Variants in DAB1 observed in about 807,000 individuals in gnomAD.
The protein encoded by DAB1 is disabled homolog 1.
Under a neutral mutation model 64.6 loss-of-function variants are expected in DAB1, and 15 were observed. The observed-to-expected ratio is 0.23, with a 90% CI of 0.16 to 0.36. DAB1 has a LOEUF of 0.36. Among genes scored for constraint, DAB1 ranks in the 10% least tolerant of loss-of-function variants. DAB1 has a pLI of 1.00. For missense variants in DAB1, 596 were observed against 706.7 expected (o/e 0.84, Z 1.78); for synonymous variants, 235 against 251.9 (o/e 0.93, Z 0.64).
chr1:58,509,875 C>A (rs1227340198), intron 2 of DAB1, among the ~76,000 whole-genome samples: 1 of 151,892 alleles, frequency 6.6e-6, no homozygotes, highest in Non-Finnish European at 1.5e-5. Context: ...ATTATATGCC[C>A]ACAAACTGGA....
At chr1:57,458,121 A>T (rs1007730059) in intron 7 of DAB1, among the ~76,000 whole-genome samples, 1 of 152,144 alleles carries the variant, frequency 6.6e-6, no homozygotes, top group African/African-American at 2.4e-5. Context: ...AATACATTTC[A>T]TATGTAAGTA....
chr1:57,210,264 C>G (rs969088762), intron 2 of DAB1, among the ~76,000 whole-genome samples: 20 of 152,080 alleles, frequency 1.3e-4, no homozygotes, highest in African/African-American at 4.3e-4. Context: ...AGAATAATGT[C>G]TACTGCTATG....
intron 5 of DAB1, among the ~76,000 whole-genome samples, chr1:57,976,493 G>A (rs1012513168): frequency 2.6e-5 from 4 of 152,160 alleles, no homozygotes; most frequent in African/African-American, 9.7e-5. Flanking sequence ...GTCCACCAGT[G>A]AAATATTAAT....
At chr1:57,876,949 T>TA (rs1426964425) in intron 1 of DAB1, 1 of 152,068 alleles carries the variant, frequency 6.6e-6, no homozygotes, top group Non-Finnish European at 1.5e-5. Flanking sequence ...TGGAGAGGAT[T>TA]ATGAAAAGTT....
At chr1:57,381,504 C>T (rs1315420797) in intron 1 of DAB1, among the ~76,000 whole-genome samples, 3 of 152,136 alleles carry the variant, frequency 2.0e-5, no homozygotes, top group Admixed American at 6.5e-5. Flanking sequence ...GAGTTGCATG[C>T]ATTACTCATG....
chr1:58,008,734 G>A (rs1230170848), intron 5 of DAB1, among the ~76,000 whole-genome samples: 2 of 152,110 alleles, frequency 1.3e-5, no homozygotes, highest in Admixed American at 1.3e-4. Context: ...TTAGAGAAAT[G>A]TTTAGTTTCA....
intron 9 of DAB1, among the ~76,000 whole-genome samples, chr1:57,040,858 A>G (rs1226282931): frequency 6.6e-6 from 1 of 152,248 alleles, no homozygotes; most frequent in Non-Finnish European, 1.5e-5. Flanking sequence ...AGTAATGTGA[A>G]ATTGGCTCCC....
intron 4 of DAB1, among the ~76,000 whole-genome samples, chr1:58,191,895 G>A (rs1026158545): frequency 1.3e-5 from 2 of 152,072 alleles, no homozygotes; most frequent in African/African-American, 2.4e-5. Flanking sequence ...ATTAATTAAT[G>A]CGTAAAAATA....
chr1:57,398,372 G>T (rs564389451), intron 1 of DAB1, among the ~76,000 whole-genome samples: 1 of 140,450 alleles, frequency 7.1e-6, no homozygotes, highest in African/African-American at 2.6e-5. Flanking sequence ...GAGAGCAACT[G>T]ATGGGGCATT....
At chr1:57,328,887 T>A (rs1405464223) in intron 1 of DAB1, among the ~76,000 whole-genome samples, 1 of 152,200 alleles carries the variant, frequency 6.6e-6, no homozygotes, top group Non-Finnish European at 1.5e-5. Flanking sequence ...AAATTACCAG[T>A]CATTAGATAA....
chr1:58,066,807 T>C (rs1648880990), intron 5 of DAB1, among the ~76,000 whole-genome samples: 1 of 152,218 alleles, frequency 6.6e-6, no homozygotes, highest in Non-Finnish European at 1.5e-5. Flanking sequence ...CTGGAATCAC[T>C]TCTTTTTTGC....
In DAB1 at chr1:58,088,594, T is replaced by A. The variant is rs139252245; in HGVS notation, n.387+61917A>T. Among the ~76,000 whole-genome samples, 64 of 152,284 alleles carry A rather than the reference T, an allele frequency of 4.2e-4. No individual in the cohort carries two copies. In the East Asian group the frequency reaches 0.012, roughly 28 times the overall value. On this transcript the variant is annotated intron_variant and non_coding_transcript_variant, in intron 5 of 20. Transcript: ENST00000485760. ...CATTCAGAAAAAATAAGTATGATTC[T>A]AGAATTACACTCTACTAGGTATGAA...
At chr1:58,536,912 A>C (rs745338933) in intron 1 of DAB1, among the ~76,000 whole-genome samples, 8 of 152,182 alleles carry the variant, frequency 5.3e-5, no homozygotes, top group Non-Finnish European at 1.2e-4. Flanking sequence ...ATGATGAAAA[A>C]ATAATCAATG....
chr1:58,381,415 G>T (rs1304993951), intron 3 of DAB1, among the ~76,000 whole-genome samples: 2 of 152,184 alleles, frequency 1.3e-5, no homozygotes, highest in African/African-American at 4.8e-5. Context: ...GTCTTACAGA[G>T]TTTTGAACAG....
chr1:57,083,399 C>A (rs1035651796), intron 4 of DAB1, among the ~76,000 whole-genome samples: 25 of 152,232 alleles, frequency 1.6e-4, no homozygotes, highest in Admixed American at 5.9e-4. Flanking sequence ...ATCCTAATAA[C>A]CATTGTGGGT....
intron 1 of DAB1, among the ~76,000 whole-genome samples, chr1:57,303,300 T>C (rs1402231684): frequency 1.3e-5 from 2 of 152,192 alleles, no homozygotes; most frequent in African/African-American, 4.8e-5. Context: ...TGTGAACATG[T>C]TGTCCGTCAC....
intron 3 of DAB1, among the ~76,000 whole-genome samples, chr1:58,494,604 T>G (rs1245737540): frequency 6.6e-6 from 1 of 151,714 alleles, no homozygotes; most frequent in Non-Finnish European, 1.5e-5. Context: ...AAAAAGTGGG[T>G]GAAGGATATG....
At chr1:57,429,604 A>G (rs1685422985) in intron 7 of DAB1, among the ~76,000 whole-genome samples, 1 of 152,184 alleles carries the variant, frequency 6.6e-6, no homozygotes, top group Non-Finnish European at 1.5e-5. Context: ...GTTTTCTTTT[A>G]GGATTTTTAT....
At chr1:57,339,209 G>A (rs1216031249) in intron 1 of DAB1, among the ~76,000 whole-genome samples, 1 of 151,364 alleles carries the variant, frequency 6.6e-6, no homozygotes, top group Non-Finnish European at 1.5e-5. Flanking sequence ...AGGCTGGAGG[G>A]CAGTGGCGCG....
Sources: allele counts gnomAD v4.1 joint callset (sites outside exome capture counted in the v4.1 genomes callset), GRCh38; gene constraint gnomAD v4.1.1; transcripts MANE v1.5; gene names NCBI Gene and HGNC (gene_info 2026-07-23, HGNC 2026-07-21).